The following CHD1 variants were observed in gnomAD, a reference collection of about 807,000 sequenced individuals.
The protein encoded by CHD1 is chromodomain helicase DNA binding protein 1.
In CHD1, 36 loss-of-function variants were observed where a neutral mutation model predicts 224.2. The ratio of observed to expected loss-of-function variants is 0.16; its 90% CI spans 0.12 to 0.21. The LOEUF is 0.21. Among genes scored for constraint, CHD1 ranks in the 10% least tolerant of loss-of-function variants. The pLI is 1.00. For missense variants in CHD1, 1,378 were observed against 1,994.8 expected (o/e 0.69, Z 5.89); for synonymous variants, 668 against 658.3 (o/e 1.01, Z -0.23).
chr5:98,922,530 ATTCT>A (rs1448784974), intron 2 of CHD1, among the ~76,000 whole-genome samples: 8 of 152,192 alleles, frequency 5.3e-5, no homozygotes, highest in Non-Finnish European at 1.0e-4. Context: ...TGCCAAATGA[ATTCT>A]TTCTTAATTC....
chr5:98,878,170 A>G (rs1343474999), intron 23 of CHD1, among the ~76,000 whole-genome samples: 3 of 152,232 alleles, frequency 2.0e-5, no homozygotes, highest in African/African-American at 7.2e-5. Flanking sequence ...ACTCTCAAGC[A>G]CTTTGCCACG....
rs974727398 is a variant in CHD1 at position 98,876,858 on chromosome 5, A to C, written c.3238-300T>G. Reference sequence around the variant, plus strand: ...ACTGTGAAGAAACATTGATCAATAAAGTAATTTACATCATAAAAGAAAAAT... The same window carrying C: ...ACTGTGAAGAAACATTGATCAATAACGTAATTTACATCATAAAAGAAAAAT... On this transcript the variant is annotated intron_variant, in intron 23 of 35. Coordinates refer to ENST00000614616, the MANE Select transcript of CHD1 (RefSeq NM_001270.4). Among the ~76,000 whole-genome samples the C allele has an allele frequency of 5.3e-5, 8 of 152,354 alleles. No individual in the cohort carries two copies. In the East Asian group the frequency reaches 5.8e-4, roughly 11 times the overall value.
rs1046411503 is a variant in CHD1 at position 98,928,710 on chromosome 5, C to T, written c.-320G>A. 1 of 153,806 alleles carries T rather than the reference C, an allele frequency of 6.5e-6. No individual in the cohort carries two copies. Among genetic ancestry groups the T allele is most frequent in the Non-Finnish European group, 1.5e-5 (1 of 68,890 alleles). The allele number at this position is 153,806 out of a possible 1,614,324, so 9.5% of individuals were successfully genotyped here. ...CGGAGGGGAAGGGGAAGCCCCGGTC[C>T]GCAGCACCAACGCGCGATCCCCTGC... On this transcript the variant is annotated 5_prime_UTR_variant, in exon 1 of 36. Coordinates refer to ENST00000614616, the MANE Select transcript of CHD1 (RefSeq NM_001270.4).
chr5:98,913,189 T>G (rs573675973), intron 2 of CHD1, among the ~76,000 whole-genome samples: 1 of 152,210 alleles, frequency 6.6e-6, no homozygotes, highest in East Asian at 1.9e-4. Context: ...AAGAGCTTCT[T>G]GCTAGGCATG....
At chr5:98,868,276 G>A (rs537255478) in intron 31 of CHD1, among the ~76,000 whole-genome samples, 16 of 149,002 alleles carry the variant, frequency 1.1e-4, no homozygotes, top group African/African-American at 3.5e-4. Context: ...GCAATGGGCC[G>A]TGACTGCACC....
intron 2 of CHD1, among the ~76,000 whole-genome samples, chr5:98,913,282 A>G (rs960944314): frequency 6.6e-6 from 1 of 152,126 alleles, no homozygotes; most frequent in Admixed American, 6.5e-5. Flanking sequence ...ATCAGCCTGG[A>G]CAACATAATG....
intron 2 of CHD1, among the ~76,000 whole-genome samples, chr5:98,916,861 T>C (rs1465404924): frequency 2.0e-5 from 3 of 152,174 alleles, no homozygotes; most frequent in African/African-American, 7.2e-5. Context: ...TAAAAGATGA[T>C]TAGAAATTTT....
intron 14 of CHD1, among the ~76,000 whole-genome samples, 192 bp from the exon 15 acceptor site, chr5:98,892,905 T>G (rs746987360): frequency 2.0e-5 from 3 of 152,160 alleles, no homozygotes; most frequent in Non-Finnish European, 4.4e-5. Flanking sequence ...TAATTAGTTG[T>G]TTTATAAGTT....
chr5:98,870,202 A>G (rs1334026677), intron 29 of CHD1, among the ~76,000 whole-genome samples: 1 of 152,192 alleles, frequency 6.6e-6, no homozygotes, highest in Non-Finnish European at 1.5e-5. Flanking sequence ...ATTAGGAATG[A>G]TTTTTAACGC....
intron 1 of CHD1, among the ~76,000 whole-genome samples, chr5:98,927,759 T>C (rs1401526053): frequency 6.6e-6 from 1 of 152,186 alleles, no homozygotes; most frequent in African/African-American, 2.4e-5. Context: ...TCTTTCCTTT[T>C]CACCTTCCTT....
At chr5:98,874,537 T>TAAA (rs70984332) in intron 25 of CHD1, among the ~76,000 whole-genome samples, 6 of 88,246 alleles carry the variant, frequency 6.8e-5, no homozygotes, top group Admixed American at 1.3e-4. Context: ...CCGTCTCTAC[T>TAAA]AAAAAAAAAA....
intron 2 of CHD1, among the ~76,000 whole-genome samples, chr5:98,914,894 C>T (rs1219901482): frequency 6.9e-6 from 1 of 145,626 alleles, no homozygotes; most frequent in Non-Finnish European, 1.5e-5. Flanking sequence ...TATATCTCTC[C>T]TAACTAGGTC....
intron 2 of CHD1, among the ~76,000 whole-genome samples, chr5:98,920,338 G>C (rs1343235692): frequency 2.6e-5 from 4 of 152,156 alleles, no homozygotes; most frequent in African/African-American, 9.7e-5. Flanking sequence ...GGGAAAAACA[G>C]TAACTTTACA....
At chr5:98,914,336 CCT>C (rs912057022) in intron 2 of CHD1, among the ~76,000 whole-genome samples, 5 of 152,104 alleles carry the variant, frequency 3.3e-5, no homozygotes, top group African/African-American at 1.2e-4. Flanking sequence ...TATTTAAGCC[CCT>C]GTGTTTTTAG....
intron 2 of CHD1, among the ~76,000 whole-genome samples, chr5:98,915,863 A>G (rs1015540812): frequency 1.3e-5 from 2 of 152,226 alleles, no homozygotes; most frequent in Non-Finnish European, 2.9e-5. Context: ...TATTCATAAT[A>G]ATATTTAAGT....
Position 98,918,604 on chromosome 5 carries a change from C to G in CHD1, c.53+7730G>C, listed in dbSNP as rs547799340. 3.9e-4 allele frequency among the ~76,000 whole-genome samples: 59 copies of G among 150,802 alleles called. 1 individual carries two copies. The East Asian group carries it at 0.011, about 28-fold the overall frequency. ...CCAACATGGTGAAACCCCGTCTGTA[C>G]GAAAAATACAAAAATTAGCTGGGCA... On this transcript the variant is annotated intron_variant, in intron 2 of 35. Transcript: ENST00000614616.
chr5:98,867,521 A>C (rs1465073716), intron 31 of CHD1, among the ~76,000 whole-genome samples: 3 of 152,188 alleles, frequency 2.0e-5, no homozygotes, highest in Admixed American at 6.5e-5. Context: ...TGGGAAAAAA[A>C]CTAGTCCTTC....
Position 98,879,687 on chromosome 5 carries a change from C to T in CHD1, c.3102G>A (p.Leu1034=), listed in dbSNP as rs1304496858. Residue 1034 remains leucine (L), a synonymous_variant, in exon 23 of 36, where the codon TTG becomes TTA. Coordinates refer to ENST00000614616, the MANE Select transcript of CHD1 (RefSeq NM_001270.4). ...AATTCTTTGAATTTCTTTCAGGTTC[C>T]AACTCAATGTCATCCTCATCCATAT... ...FSNMDEDDIE[L]EPERNSKNWE... The T allele has an allele frequency of 3.1e-6, 5 of 1,607,028 alleles. No homozygotes were observed. The African/African-American group carries it at 6.7e-5, about 22-fold the overall frequency.
intron 23 of CHD1, among the ~76,000 whole-genome samples, chr5:98,877,386 GATA>G (rs1049372896): frequency 7.2e-5 from 11 of 152,296 alleles, no homozygotes; most frequent in African/African-American, 1.9e-4. Context: ...TGTACACTGT[GATA>G]ATGTTATCAG....
Sources: gnomAD v4.1 joint callset for allele counts (sites outside exome capture counted in the v4.1 genomes callset) on GRCh38, gnomAD v4.1.1 for gene constraint, MANE v1.5 for transcripts, NCBI Gene and HGNC (gene_info 2026-07-23, HGNC 2026-07-21) for gene names.